Variants in PLXND1 observed in about 807,000 individuals in gnomAD.
The protein encoded by PLXND1 is plexin-D1.
PLXND1 carries 54 observed loss-of-function variants against 197.7 expected under a neutral mutation model. That is an observed-to-expected ratio of 0.27 (90% confidence interval 0.22 to 0.34). The LOEUF (loss-of-function observed/expected upper bound fraction) is 0.34. Among genes scored for constraint, PLXND1 ranks in the 10% least tolerant of loss-of-function variants. The pLI, the probability that PLXND1 is intolerant of heterozygous loss-of-function variation, is 1.00. For synonymous variants in PLXND1, 1,180 were observed against 1,161.2 expected, an observed-to-expected ratio of 1.02 and a Z score of -0.33; for missense variants, 2,127 against 2,699.2, an observed-to-expected ratio of 0.79 and a Z score of 4.70.
intron 11 of PLXND1, 126 bp from the exon 12 acceptor site, chr3:129,574,616 GA>G: frequency 1.0e-6 from 1 of 977,480 alleles, no homozygotes; most frequent in Non-Finnish European, 1.5e-6. Flanking sequence ...CCACCCAGAG[GA>G]AGTCCTGATT....
chr3:129,597,425 CA>C (rs1266795160), intron 1 of PLXND1, among the ~76,000 whole-genome samples: 2 of 152,172 alleles, frequency 1.3e-5, no homozygotes, highest in African/African-American at 4.8e-5. Flanking sequence ...AGGGCACAGG[CA>C]AGGGGGTTTG....
At chr3:129,568,425 T>G (rs553989699) in intron 20 of PLXND1, among the ~76,000 whole-genome samples, 36 of 152,326 alleles carry the variant, frequency 2.4e-4, no homozygotes, top group Admixed American at 2.2e-3. Flanking sequence ...TTTTATCATC[T>G]TTCAGTTTTT....
rs538792205 is a variant in PLXND1, at chr3:129,586,094, C to T, written c.1722-13G>A. ...CTGCAAGGTGCACCTGGGGTGGCACCGCAGGGTCAGGACCCAGGTCAGCTC... is the reference window on the plus strand; with the variant it reads ...CTGCAAGGTGCACCTGGGGTGGCACTGCAGGGTCAGGACCCAGGTCAGCTC... On this transcript the variant is annotated splice_polypyrimidine_tract_variant and intron_variant, in intron 4 of 35. Transcript: ENST00000324093. 22 of 1,613,758 alleles carry T rather than the reference C, an allele frequency of 1.4e-5. No homozygotes were observed. The East Asian group carries it at 2.0e-4, about 15-fold the overall frequency.
rs781331440 is a variant in PLXND1, at chr3:129,559,601, C to T, written c.5297+19G>A. On this transcript the variant is annotated intron_variant, in intron 32 of 35. Transcript: ENST00000324093. ...CCCCAGTGGCACAGTGAAGTCCACACGGCCCCCCCACCCGCCACCTGTTGG... is the reference window on the plus strand; with the variant it reads ...CCCCAGTGGCACAGTGAAGTCCACATGGCCCCCCCACCCGCCACCTGTTGG... 1.3e-5 allele frequency: 20 copies of T among 1,564,402 alleles called. No homozygotes were observed. The highest frequency in any genetic ancestry group is 3.6e-5 in the South Asian group (3 of 82,382).
intron 25 of PLXND1, among the ~76,000 whole-genome samples, chr3:129,564,199 G>A (rs968940171): frequency 6.6e-6 from 1 of 152,238 alleles, no homozygotes; most frequent in African/African-American, 2.4e-5. Flanking sequence ...CCTTCCCCCA[G>A]GAGGAGCCGT....
chr3:129,595,575 G>C (rs2085608245), intron 1 of PLXND1, among the ~76,000 whole-genome samples: 1 of 152,232 alleles, frequency 6.6e-6, no homozygotes, highest in Non-Finnish European at 1.5e-5. Context: ...GCACAGAGAA[G>C]AGCAGAGGCT....
At chr3:129,564,698 G>A (rs112089257) in intron 25 of PLXND1, among the ~76,000 whole-genome samples, 4,220 of 152,304 alleles carry the variant, frequency 0.028, 190 homozygotes, top group African/African-American at 0.097. Flanking sequence ...CCTGGTTACC[G>A]GGCCCACCCT....
Position 129,558,816 on chromosome 3 carries a change from A to C in PLXND1, c.5298-241T>G. On this transcript the variant is annotated intron_variant, in intron 32 of 35. Coordinates refer to ENST00000324093, the MANE Select transcript of PLXND1 (RefSeq NM_015103.3). The surrounding 1 kb of genome is among the most constrained non-coding windows in gnomAD (Gnocchi z 4.1). ...CTACAGGGCTTAGCTGTACCCCCCA[A>C]CCCCCTCCTGAGCCTCCAGTCAGGT... The C allele has an allele frequency of 2.2e-6, 1 of 453,940 alleles. No homozygotes were observed. 28.1% of individuals were successfully genotyped at this position (453,940 alleles called of 1,614,324 possible).
chr3:129,601,385 G>A (rs1182962283), intron 1 of PLXND1, among the ~76,000 whole-genome samples: 1 of 152,160 alleles, frequency 6.6e-6, no homozygotes, highest in Non-Finnish European at 1.5e-5. Context: ...CCGGAATGTC[G>A]GGAGGCCATC....
Position 129,556,289 on chromosome 3 carries a change from G to T in PLXND1, c.*23C>A. On this transcript the variant is annotated 3_prime_UTR_variant, in exon 36 of 36. Transcript: ENST00000324093. ...TGGGCGTCCATTTCTCCCAGCAGCA[G>T]CCTGACCAACTCTCCATGTGTCTCA... is the stretch of plus-strand genomic sequence containing the variant. 6.7e-7 allele frequency: 1 copy of T among 1,499,486 alleles called. No individual in the cohort carries two copies. Among genetic ancestry groups the T allele is most frequent in the Non-Finnish European group, 9.3e-7 (1 of 1,075,850 alleles). 92.9% of individuals were successfully genotyped at this position (1,499,486 alleles called of 1,614,324 possible). A position where few individuals can be genotyped will look rare whatever the true frequency, so the allele number is the denominator to read the frequency against.
At chr3:129,556,947 G>C in intron 34 of PLXND1, 136 bp downstream of exon 34, 2 of 970,748 alleles carry the variant, frequency 2.1e-6, no homozygotes, top group Non-Finnish European at 3.0e-6. Context: ...TTGCAGGCCA[G>C]CAAGAGGCCA....
At chr3:129,571,869 C>G in intron 15 of PLXND1, 25 bp from the exon 16 acceptor site, 1 of 1,575,634 alleles carries the variant, frequency 6.3e-7, no homozygotes, top group Non-Finnish European at 8.6e-7. Context: ...AGGTTATCAG[C>G]AGGGCCTGCC....
intron 1 of PLXND1, among the ~76,000 whole-genome samples, chr3:129,593,894 C>T (rs1264203503): frequency 6.6e-6 from 1 of 152,232 alleles, no homozygotes; most frequent in East Asian, 1.9e-4. Flanking sequence ...CCTCCCCCTC[C>T]AGCTGGCTCC....
chr3:129,578,247 C>A (rs1578333228), intron 9 of PLXND1, 82 bp downstream of exon 9: 1 of 840,464 alleles, frequency 1.2e-6, no homozygotes, highest in East Asian at 2.6e-5. Context: ...GGGGTCACAC[C>A]AGGACATGGG....
intron 20 of PLXND1, 52 bp downstream of exon 20, chr3:129,569,791 G>C: frequency 1.0e-6 from 1 of 997,652 alleles, no homozygotes; most frequent in South Asian, 1.3e-5. Context: ...GAGGGGCTGG[G>C]GCAAGGTGGC....
At chr3:129,589,307 G>GGCGGGC in intron 2 of PLXND1, 44 bp downstream of exon 2, 2 of 684,692 alleles carry the variant, frequency 2.9e-6, no homozygotes, top group South Asian at 1.5e-5. Context: ...TCCCAGGGGA[G>GGCGGGC]CCTCCCACCC....
intron 1 of PLXND1, among the ~76,000 whole-genome samples, chr3:129,597,574 G>C (rs2085645821): frequency 6.6e-6 from 1 of 152,166 alleles, no homozygotes; most frequent in Admixed American, 6.5e-5. Context: ...GGAGCTGCGA[G>C]CTTCCCTCCC....
chr3:129,595,528 G>A (rs1407985830), intron 1 of PLXND1, among the ~76,000 whole-genome samples: 1 of 152,244 alleles, frequency 6.6e-6, no homozygotes, highest in Non-Finnish European at 1.5e-5. Flanking sequence ...AGCCACAGAG[G>A]AAAAGCAGCC....
intron 1 of PLXND1, among the ~76,000 whole-genome samples, chr3:129,602,289 C>A (rs1576285078): frequency 6.6e-6 from 1 of 152,144 alleles, no homozygotes; most frequent in African/African-American, 2.4e-5. Context: ...CCCAGGCCTC[C>A]CTGGCCCTTG....
Sources: gnomAD v4.1 joint callset for allele counts (sites outside exome capture counted in the v4.1 genomes callset) on GRCh38, gnomAD v4.1.1 for gene constraint, Gnocchi (gnomAD v3.1) non-coding constraint, MANE v1.5 for transcripts, NCBI Gene and HGNC (gene_info 2026-07-23, HGNC 2026-07-21) for gene names.